DIP2C: variants seen among roughly 807,000 people sequenced by gnomAD.
DIP2C encodes disco-interacting protein 2 homolog C.
DIP2C carries 33 observed loss-of-function variants against 192.4 expected under a neutral mutation model. That is an observed-to-expected ratio of 0.17 (90% CI 0.13 to 0.23). The LOEUF (loss-of-function observed/expected upper bound fraction) is 0.23. DIP2C is among the 10% of genes least tolerant of loss of function. DIP2C has a pLI of 1.00. For synonymous variants in DIP2C, 979 were observed against 864.1 expected (o/e 1.13, Z -2.33); for missense variants, 1,537 against 2,110.1 (o/e 0.73, Z 5.32).
chr10:425,339 A>G (rs113638257), intron 4 of DIP2C, among the ~76,000 whole-genome samples: 143 of 93,742 alleles, frequency 1.5e-3, no homozygotes, highest in African/African-American at 3.2e-3. Context: ...CGGATGATAC[A>G]GCATGACCAG....
intron 10 of DIP2C, among the ~76,000 whole-genome samples, chr10:391,227 T>C (rs1007614345): frequency 6.6e-6 from 1 of 152,218 alleles, no homozygotes; most frequent in Non-Finnish European, 1.5e-5. Flanking sequence ...CTGTAGAGAA[T>C]AGACAGGGCC....
At chr10:408,015 G>A (rs1056961032) in intron 9 of DIP2C, among the ~76,000 whole-genome samples, 8 of 152,126 alleles carry the variant, frequency 5.3e-5, no homozygotes, top group Admixed American at 3.3e-4. Context: ...GTCATGAGGT[G>A]TCTTCTCTAT....
chr10:290,880 G>A (rs1955456818), intron 32 of DIP2C, among the ~76,000 whole-genome samples: 1 of 152,222 alleles, frequency 6.6e-6, no homozygotes, highest in Non-Finnish European at 1.5e-5. Flanking sequence ...AGATCCTGTC[G>A]CTGGCCGGAA....
At chr10:430,698 TTATTTCACACCTTGCACCTTTGGTGTCA>T (rs1320792673) in intron 4 of DIP2C, among the ~76,000 whole-genome samples, 3 of 152,232 alleles carry the variant, frequency 2.0e-5, no homozygotes, top group African/African-American at 7.2e-5. Context: ...AGCTTATCAA[TTATTTCACACCTTGCACCTTTGGTGTCA>T]TATCTAAAAA....
Position 320,498 on chromosome 10 carries a change from G to C in DIP2C, c.3924+6508C>G, listed in dbSNP as rs530093509. 2.1e-3 allele frequency among the ~76,000 whole-genome samples: 296 copies of C among 141,874 alleles called. 1 individual carries two copies. Among genetic ancestry groups the C allele is most frequent in the Non-Finnish European group, 3.0e-3 (197 of 66,576 alleles). The allele number at this position is 141,874 out of a possible 152,430, so 93.1% of individuals were successfully genotyped here. A position where few individuals can be genotyped will look rare whatever the true frequency, so the allele number is the denominator to read the frequency against. ...ACTCCAGCCTGGATGACAAGAGCAA[G>C]ACTCCGTCTCAAAAAAAAAAAAAAA... On this transcript the variant is annotated intron_variant, in intron 31 of 36. Transcript: ENST00000280886.
intron 31 of DIP2C, among the ~76,000 whole-genome samples, chr10:320,453 A>G (rs1375915386): frequency 6.6e-6 from 1 of 151,116 alleles, no homozygotes; most frequent in Non-Finnish European, 1.5e-5. Context: ...GGTTGCAGTG[A>G]GCCGAGATCA....
At chr10:414,757 A>ATATATATATATAT (rs60489200) in intron 7 of DIP2C, among the ~76,000 whole-genome samples, 10 of 69,606 alleles carry the variant, frequency 1.4e-4, no homozygotes, top group Non-Finnish European at 2.6e-4. Context: ...ATATATATAT[A>ATATATATATATAT]ATGTGTATAT....
At chr10:670,012 A>G (rs1857345457) in intron 1 of DIP2C, among the ~76,000 whole-genome samples, 2 of 152,240 alleles carry the variant, frequency 1.3e-5, no homozygotes, top group South Asian at 2.1e-4. Context: ...GAGGAAACGG[A>G]AAGTTGTCAC....
intron 1 of DIP2C, among the ~76,000 whole-genome samples, chr10:553,952 CAT>C (rs1249358557): frequency 6.0e-5 from 9 of 149,862 alleles, no homozygotes; most frequent in African/African-American, 1.5e-4. Flanking sequence ...AATGATACCT[CAT>C]AGAAAAAACG....
intron 31 of DIP2C, among the ~76,000 whole-genome samples, chr10:325,561 G>A (rs553353264): frequency 9.2e-5 from 14 of 152,290 alleles, no homozygotes; most frequent in African/African-American, 3.4e-4. Flanking sequence ...GGTGGATGGA[G>A]ACAAGTGAGA....
chr10:345,221 G>A (rs558724919), intron 26 of DIP2C, 111 bp from the exon 27 acceptor site: 183 of 1,065,734 alleles, frequency 1.7e-4, no homozygotes, highest in Middle Eastern at 2.0e-4. Context: ...TAGCTTTAAC[G>A]GGCAGATGAG....
At position 363,289 on chromosome 10, in the gene DIP2C, C is replaced by T. The variant is rs995879580; in HGVS notation, c.2500G>A (p.Val834Met). 3.5e-5 allele frequency: 57 copies of T among 1,611,918 alleles called. No individual in the cohort carries two copies. Among genetic ancestry groups the T allele is most frequent in the Non-Finnish European group, 4.3e-5 (51 of 1,179,988 alleles). Residue 834 changes from valine to methionine, a missense_variant, in exon 21 of 37, where the codon GTG becomes ATG. Val to Met is a conservative substitution (Grantham distance 21). Around this residue, in one of 4 missense-constraint regions of DIP2C, gnomAD observed 677 missense variants for 989.9 expected, o/e 0.68. Transcript: ENST00000280886. The surrounding 1 kb of genome is among the most constrained non-coding windows in gnomAD (Gnocchi z 5.4). ...RGRIAVFSVT[V>M]LHDERIVIVA... ...ATCACGATCCTCTCGTCGTGCAGCA[C>T]GGTCACCGAGAACACGGCTATCCTG...
intron 3 of DIP2C, among the ~76,000 whole-genome samples, chr10:446,842 CCTT>C (rs1300870301): frequency 6.6e-6 from 1 of 152,130 alleles, no homozygotes. Flanking sequence ...TGGGTTTTCT[CCTT>C]TATTTTTTGT....
At chr10:435,643 G>A (rs1215849052) in intron 4 of DIP2C, among the ~76,000 whole-genome samples, 1 of 152,184 alleles carries the variant, frequency 6.6e-6, no homozygotes, top group Non-Finnish European at 1.5e-5. Context: ...GTCTCTTGCA[G>A]GTTTAAGAAG....
intron 17 of DIP2C, among the ~76,000 whole-genome samples, chr10:375,243 T>A (rs1961428117): frequency 6.6e-6 from 1 of 152,178 alleles, no homozygotes; most frequent in Admixed American, 6.5e-5. Flanking sequence ...GGGATCTAGT[T>A]GTTTAGAATA....
chr10:460,609 T>G (rs1969692511), intron 3 of DIP2C, among the ~76,000 whole-genome samples: 1 of 152,108 alleles, frequency 6.6e-6, no homozygotes, highest in Admixed American at 6.6e-5. Context: ...ATGGGGAGAA[T>G]GGAACAAGTT....
At chr10:622,934 C>T (rs1218847973) in intron 1 of DIP2C, among the ~76,000 whole-genome samples, 1 of 152,140 alleles carries the variant, frequency 6.6e-6, no homozygotes, top group Non-Finnish European at 1.5e-5. Context: ...CATTTAATTC[C>T]CTAATGCAAT....
intron 17 of DIP2C, among the ~76,000 whole-genome samples, chr10:376,893 T>C (rs1319504945): frequency 6.6e-6 from 1 of 152,236 alleles, no homozygotes; most frequent in Non-Finnish European, 1.5e-5. Context: ...TGCATGTACC[T>C]TTTTCGATGT....
intron 1 of DIP2C, among the ~76,000 whole-genome samples, chr10:566,806 C>T (rs1205859997): frequency 2.0e-5 from 3 of 152,194 alleles, no homozygotes; most frequent in South Asian, 2.1e-4. Context: ...AGGCACCATG[C>T]GGAGCAGCGT....
Sources: allele counts gnomAD v4.1 joint callset (sites outside exome capture counted in the v4.1 genomes callset), GRCh38; gene constraint gnomAD v4.1.1; regional missense constraint gnomAD v4.1.1; non-coding constraint Gnocchi (gnomAD v3.1); transcripts MANE v1.5; gene names NCBI Gene and HGNC (gene_info 2026-07-23, HGNC 2026-07-21).